FOXP2: variants seen among roughly 807,000 people sequenced by gnomAD.
FOXP2 encodes forkhead box protein P2.
In FOXP2, 12 loss-of-function variants were observed where a neutral mutation model predicts 115.8. The ratio of observed to expected loss-of-function variants is 0.10; its 90% CI spans 0.07 to 0.17. FOXP2 has a LOEUF of 0.17. Among genes scored for constraint, FOXP2 ranks in the 10% least tolerant of loss-of-function variants. The pLI, the probability that FOXP2 is intolerant of heterozygous loss-of-function variation, is 1.00. For synonymous variants in FOXP2, 328 were observed against 297.7 expected, an observed-to-expected ratio of 1.10 and a Z score of -1.05; for missense variants, 629 against 843.5, an observed-to-expected ratio of 0.75 and a Z score of 3.15.
intron 1 of FOXP2, among the ~76,000 whole-genome samples, chr7:114,095,312 C>T (rs1352374707): frequency 6.6e-6 from 1 of 152,114 alleles, no homozygotes. Flanking sequence ...ATTTGTATAA[C>T]ATGTTTTCTT....
rs6948847 is a variant in FOXP2, at chr7:114,525,354, T to C, written c.169-9263T>C. Among the ~76,000 whole-genome samples, 124 of 152,320 alleles carry C rather than the reference T, an allele frequency of 8.1e-4. 1 individual carries two copies. The highest frequency in any genetic ancestry group is 2.9e-3 in the African/African-American group (120 of 41,578). ...TCTCTGGCTTCACAAATCACTTACA[T>C]GTGAAGTTAAGTATTACTAGCTGTA... is the stretch of plus-strand genomic sequence containing the variant. On this transcript the variant is annotated intron_variant, in intron 2 of 16. Coordinates refer to ENST00000350908, the MANE Select transcript of FOXP2 (RefSeq NM_014491.4).
chr7:114,256,832 G>A (rs1323301933), intron 1 of FOXP2, among the ~76,000 whole-genome samples: 1 of 152,186 alleles, frequency 6.6e-6, no homozygotes, highest in Non-Finnish European at 1.5e-5. Flanking sequence ...CATGCTCATG[G>A]ATAGAAAGAA....
intron 1 of FOXP2, among the ~76,000 whole-genome samples, chr7:114,125,046 T>G (rs1171399500): frequency 1.3e-5 from 2 of 152,156 alleles, no homozygotes; most frequent in African/African-American, 4.8e-5. Flanking sequence ...TCCCTAATTC[T>G]GTGCAAATAA....
At chr7:114,604,130 A>G (rs1194879573) in intron 3 of FOXP2, among the ~76,000 whole-genome samples, 1 of 152,158 alleles carries the variant, frequency 6.6e-6, no homozygotes, top group Non-Finnish European at 1.5e-5. Context: ...GAGGTCCAGG[A>G]TCAAGGTGCT....
intron 1 of FOXP2, among the ~76,000 whole-genome samples, chr7:114,092,003 A>AC (rs1799552308): frequency 6.6e-6 from 1 of 152,038 alleles, no homozygotes; most frequent in Non-Finnish European, 1.5e-5. Context: ...TAAGTATAAT[A>AC]TGTTATACAG....
In FOXP2 at chr7:114,691,746, G is replaced by A. The variant is rs1048130086; in HGVS notation, c.*1820G>A. On this transcript the variant is annotated 3_prime_UTR_variant, in exon 17 of 17. Transcript: ENST00000350908. ...AGGTGGCTGCTAGAGCTTAACATAC[G>A]TTCCCGTTCCATGTGATGGAACCGG... 1.8e-5 allele frequency: 8 copies of A among 453,628 alleles called. No homozygotes were observed. Among genetic ancestry groups the A allele is most frequent in the East Asian group, 7.0e-5 (1 of 14,382 alleles). The allele number at this position is 453,628 out of a possible 1,614,324, so 28.1% of individuals were successfully genotyped here. A position where few individuals can be genotyped will look rare whatever the true frequency, so the allele number is the denominator to read the frequency against.
intron 2 of FOXP2, among the ~76,000 whole-genome samples, chr7:114,405,703 G>A (rs1190346738): frequency 6.6e-6 from 1 of 151,752 alleles, no homozygotes; most frequent in Non-Finnish European, 1.5e-5. Flanking sequence ...GATATACATG[G>A]TTATTTAAGG....
At chr7:114,471,237 T>C (rs11767242) in intron 2 of FOXP2, among the ~76,000 whole-genome samples, 12,200 of 152,280 alleles carry the variant, frequency 0.08, 571 homozygotes, top group Middle Eastern at 0.16. Context: ...TTTATTATTG[T>C]CATAAATTAT....
chr7:114,664,126 G>T lies in FOXP2; in HGVS notation c.1840-147G>T, dbSNP rs72603569. ...CTTGCATCTCTGCCACAAGTAGCCA[G>T]TTAGGAATTTTTTTTCAATACATTT... is the stretch of plus-strand genomic sequence containing the variant. On this transcript the variant is annotated intron_variant, in intron 15 of 16. Transcript: ENST00000350908. 42,263 of 884,306 alleles carry T rather than the reference G, an allele frequency of 0.048. 4,172 individuals carry two copies. The highest frequency in any genetic ancestry group is 0.39 in the East Asian group (14,430 of 37,190). The allele number at this position is 884,306 out of a possible 1,614,324, so 54.8% of individuals were successfully genotyped here.
upstream of FOXP2, chr7:114,162,860 G>C (rs1792878723): frequency 6.6e-6 from 1 of 151,762 alleles, no homozygotes; most frequent in Non-Finnish European, 1.5e-5. Context: ...GAAAATAATA[G>C]GAAGCTTCAA....
chr7:114,455,500 C>T (rs1795277859), intron 2 of FOXP2, among the ~76,000 whole-genome samples: 2 of 152,096 alleles, frequency 1.3e-5, no homozygotes, highest in South Asian at 2.1e-4. Context: ...AGTTTTCCAG[C>T]AGAAGAAAGT....
chr7:114,502,891 G>C (rs904126972), intron 2 of FOXP2, among the ~76,000 whole-genome samples: 9 of 151,994 alleles, frequency 5.9e-5, no homozygotes, highest in African/African-American at 1.9e-4. Flanking sequence ...ATTAGCACCT[G>C]AGTCTAGGCT....
chr7:114,413,921 C>G (rs1311050612), upstream of FOXP2, among the ~76,000 whole-genome samples: 1 of 152,066 alleles, frequency 6.6e-6, no homozygotes, highest in Non-Finnish European at 1.5e-5. Context: ...GCTGTTAAAG[C>G]TTGTCCACTC....
intron 2 of FOXP2, among the ~76,000 whole-genome samples, chr7:114,369,586 G>A (rs547583361): frequency 1.3e-5 from 2 of 151,308 alleles, no homozygotes; most frequent in South Asian, 2.1e-4. Flanking sequence ...GCTTCATATC[G>A]TGTCTCTCTC....
chr7:114,232,337 T>A (rs960272176), intron 1 of FOXP2, among the ~76,000 whole-genome samples: 2 of 152,148 alleles, frequency 1.3e-5, no homozygotes, highest in Non-Finnish European at 2.9e-5. Context: ...TAGAACTACC[T>A]TGTGATCCAT....
intron 3 of FOXP2, among the ~76,000 whole-genome samples, chr7:114,595,767 G>A (rs1435152482): frequency 6.6e-6 from 1 of 151,908 alleles, no homozygotes; most frequent in Non-Finnish European, 1.5e-5. Context: ...TTATGATAGA[G>A]CGTAATCAAT....
intron 3 of FOXP2, among the ~76,000 whole-genome samples, chr7:114,564,164 G>A (rs1800887468): frequency 6.6e-6 from 1 of 152,098 alleles, no homozygotes; most frequent in South Asian, 2.1e-4. Context: ...TCAGCAGCTG[G>A]CCCCATTTAT....
intron 3 of FOXP2, among the ~76,000 whole-genome samples, chr7:114,551,257 A>G (rs183043600): frequency 8.4e-4 from 128 of 152,326 alleles, no homozygotes; most frequent in Admixed American, 8.4e-3. Context: ...TATGTTAGAC[A>G]CTTTGCCAGG....
intron 1 of FOXP2, among the ~76,000 whole-genome samples, chr7:114,148,009 G>A (rs888482238): frequency 8.5e-5 from 13 of 152,186 alleles, no homozygotes; most frequent in African/African-American, 3.1e-4. Context: ...GCCACACTGT[G>A]TTATTCTACA....
Sources: allele counts gnomAD v4.1 joint callset (sites outside exome capture counted in the v4.1 genomes callset), GRCh38; gene constraint gnomAD v4.1.1; transcripts MANE v1.5; gene names NCBI Gene and HGNC (gene_info 2026-07-23, HGNC 2026-07-21).